The following ABTB2 variants were observed in gnomAD, a reference collection of about 807,000 sequenced individuals.
ABTB2 encodes the protein ankyrin repeat and BTB domain containing 2.
A neutral mutation model predicts 104.1 loss-of-function variants in ABTB2; 56 were observed. The observed-to-expected ratio is 0.54, with a 90% confidence interval of 0.43 to 0.67. The LOEUF (loss-of-function observed/expected upper bound fraction) is 0.67. Ranked by LOEUF, ABTB2 falls within the 30% of genes least tolerant of loss-of-function variation. The pLI, the probability that ABTB2 is intolerant of heterozygous loss-of-function variation, is 0.00. For synonymous variants in ABTB2, 606 were observed against 608.2 expected (o/e 1.00, Z 0.05); for missense variants, 1,279 against 1,407.7 (o/e 0.91, Z 1.46).
intron 1 of ABTB2, among the ~76,000 whole-genome samples, chr11:34,328,102 T>C (rs1428120531): frequency 2.6e-5 from 4 of 152,224 alleles, no homozygotes; most frequent in African/African-American, 9.6e-5. Context: ...CTGGTCCTGC[T>C]GTCCAGGCTG....
At position 34,357,189 on chromosome 11, in the gene ABTB2, A is replaced by G. The variant is rs535005948; in HGVS notation, c.395T>C (p.Leu132Pro). 318 of 1,508,320 alleles carry G rather than the reference A, an allele frequency of 2.1e-4. No individual in the cohort carries two copies. The highest frequency in any genetic ancestry group is 2.0e-4 in the East Asian group (8 of 39,518). The allele number at this position is 1,508,320 out of a possible 1,614,324, so 93.4% of individuals were successfully genotyped here. A position where few individuals can be genotyped will look rare whatever the true frequency, so the allele number is the denominator to read the frequency against. The change falls in exon 1 of 17, where the codon CTC becomes CCC. Residue 132 changes from leucine (L) to proline (P), a missense_variant. Physicochemically the swap from Leu to Pro is moderately conservative, Grantham distance 98. Transcript: ENST00000435224. ...GGCCACGCGGATCAGTGCCCTGCGG[A>G]GCAGCCCGGCCAGGCGCCTCACCGC... is the stretch of plus-strand genomic sequence containing the variant. ...AEAVRRLAGL[L>P]RRALIRVARE...
At chr11:34,308,064 C>T (rs1196279062) in intron 1 of ABTB2, among the ~76,000 whole-genome samples, 1 of 152,152 alleles carries the variant, frequency 6.6e-6, no homozygotes, top group African/African-American at 2.4e-5. Context: ...ACCCTTTGGG[C>T]AAGTTACTTC....
chr11:34,313,439 A>G (rs1019602782), intron 1 of ABTB2, among the ~76,000 whole-genome samples: 3 of 152,222 alleles, frequency 2.0e-5, no homozygotes, highest in Admixed American at 6.5e-5. Flanking sequence ...CAACCCCAGC[A>G]GCAACCTGCA....
intron 1 of ABTB2, chr11:34,335,514 A>C (rs1855183599): frequency 4.8e-6 from 5 of 1,035,924 alleles, no homozygotes; most frequent in Non-Finnish European, 4.5e-6. Context: ...TTCTGGAAAC[A>C]GTGATTCAAA....
rs1364917671 is a variant in ABTB2 at position 34,357,992 on chromosome 11, G to A, written c.-409C>T. ...GAGTCCGGGACCAGCCGGCGAGAAA[G>A]CGCTCTGCAAACTTCTGCGCTGCGC... On this transcript the variant is annotated 5_prime_UTR_variant, in exon 1 of 17. Transcript: ENST00000435224. The A allele has an allele frequency of 5.6e-6, 1 of 177,802 alleles. No individual in the cohort carries two copies. The highest frequency in any genetic ancestry group is 1.6e-4 in the East Asian group (1 of 6,422). The allele number at this position is 177,802 out of a possible 1,614,324, so 11.0% of individuals were successfully genotyped here.
At chr11:34,160,749 G>C (rs1208161735) in intron 11 of ABTB2, among the ~76,000 whole-genome samples, 154 bp downstream of exon 11, 38 of 131,152 alleles carry the variant, frequency 2.9e-4, no homozygotes, top group Non-Finnish European at 5.8e-4. Flanking sequence ...TGGGTGGGGG[G>C]GTCCCTGGGT....
intron 1 of ABTB2, among the ~76,000 whole-genome samples, chr11:34,246,188 AAAAT>A (rs1853981254): frequency 1.3e-5 from 2 of 152,214 alleles, no homozygotes; most frequent in Non-Finnish European, 2.9e-5. Context: ...AAGTAACAAC[AAAAT>A]CCCCTCAGGC....
Position 34,162,706 on chromosome 11 carries a change from C to T in ABTB2, c.2088G>A (p.Ala696=), listed in dbSNP as rs761722461. ...CCTCGCTGCCACTGCCCTGGCTCGA[C>T]GCATCACTTTCCTCCACACCCTCGG... ...ILAEGVEESD[A]SSQGSGSEGP... is the part of the protein sequence containing the mutation. The change falls in exon 10 of 17, where the codon GCG becomes GCA. Residue 696 remains alanine, a synonymous_variant. Transcript: ENST00000435224. 2.6e-5 allele frequency: 42 copies of T among 1,612,582 alleles called. No homozygotes were observed. Among genetic ancestry groups the T allele is most frequent in the Middle Eastern group, 1.6e-4 (1 of 6,084 alleles).
chr11:34,322,516 A>G (rs1855016870), intron 1 of ABTB2, among the ~76,000 whole-genome samples: 1 of 152,182 alleles, frequency 6.6e-6, no homozygotes, highest in Non-Finnish European at 1.5e-5. Context: ...TGGAAGTTGC[A>G]GTGAACTGAG....
chr11:34,166,343 C>T (rs1195613271), intron 7 of ABTB2, among the ~76,000 whole-genome samples: 4 of 152,236 alleles, frequency 2.6e-5, no homozygotes, highest in Admixed American at 6.5e-5. Flanking sequence ...GTGCCAAGGC[C>T]GTGGAGGCGG....
chr11:34,265,727 A>G (rs1590234454), intron 1 of ABTB2, among the ~76,000 whole-genome samples: 1 of 149,364 alleles, frequency 6.7e-6, no homozygotes, highest in Non-Finnish European at 1.5e-5. Flanking sequence ...CCAACAATTT[A>G]GGAGGCCGAG....
chr11:34,308,878 A>AAAAAAG (rs1854812369), intron 1 of ABTB2, among the ~76,000 whole-genome samples: 1 of 151,068 alleles, frequency 6.6e-6, no homozygotes, highest in Non-Finnish European at 1.5e-5. Flanking sequence ...CAAAAAAAAA[A>AAAAAAG]AAAAAAAAAG....
At chr11:34,310,437 C>T (rs982742890) in intron 1 of ABTB2, among the ~76,000 whole-genome samples, 12 of 152,054 alleles carry the variant, frequency 7.9e-5, no homozygotes, top group Admixed American at 2.0e-4. Flanking sequence ...TTCTCTCTAC[C>T]GCCACCCTCA....
intron 1 of ABTB2, among the ~76,000 whole-genome samples, chr11:34,263,665 T>C (rs1404510841): frequency 3.3e-5 from 5 of 152,092 alleles, no homozygotes; most frequent in Admixed American, 1.3e-4. Context: ...GAGTTTCCAT[T>C]ACCAGCCCAG....
In ABTB2 at chr11:34,163,408, T is replaced by A. The variant is rs148803903; in HGVS notation, c.1989-603A>T. Among the ~76,000 whole-genome samples, 933 of 152,244 alleles carry A rather than the reference T, an allele frequency of 6.1e-3. 13 individuals carry two copies. The highest frequency in any genetic ancestry group is 0.021 in the African/African-American group (882 of 41,542). ...GAATGTTAGACCCCACAGAGGACGC[T>A]CCCCCGTGCTGCTGCTTTTAGCCTC... is the stretch of plus-strand genomic sequence containing the variant. On this transcript the variant is annotated intron_variant, in intron 9 of 16. Coordinates refer to ENST00000435224, the MANE Select transcript of ABTB2 (RefSeq NM_145804.3).
intron 1 of ABTB2, among the ~76,000 whole-genome samples, chr11:34,232,328 T>C (rs2133057645): frequency 6.6e-6 from 1 of 152,070 alleles, no homozygotes; most frequent in East Asian, 1.9e-4. Flanking sequence ...TGCACGCCTG[T>C]AGCGCCAGCT....
At position 34,357,507 on chromosome 11, in the gene ABTB2, G is replaced by A. The variant is rs1160920430; in HGVS notation, c.77C>T (p.Ser26Leu). The change falls in exon 1 of 17, where the codon TCG (serine) becomes TTG (leucine). Residue 26 changes from serine (S) to leucine (L), a missense_variant. Physicochemically the swap from Ser to Leu is moderately radical, Grantham distance 145. Transcript: ENST00000435224. ...GGACGAGAGGCTGAGCGAGCGGCAC[G>A]AGTCCCCGGCCCCATACCCGGAGTC... is the stretch of plus-strand genomic sequence containing the variant. ...TLDSGYGAGD[S>L]CRSLSLSSSK... is the part of the protein sequence containing the mutation. 6.5e-7 allele frequency: 1 copy of A among 1,541,394 alleles called. No individual in the cohort carries two copies. The highest frequency in any genetic ancestry group is 2.0e-5 in the Admixed American group (1 of 51,002).
chr11:34,237,077 C>G (rs1216177761), intron 1 of ABTB2, among the ~76,000 whole-genome samples: 1 of 152,130 alleles, frequency 6.6e-6, no homozygotes, highest in Non-Finnish European at 1.5e-5. Flanking sequence ...ACCTCTGGAT[C>G]ATCTTGGACA....
At chr11:34,200,439 G>C (rs1853322367) in intron 2 of ABTB2, among the ~76,000 whole-genome samples, 1 of 152,192 alleles carries the variant, frequency 6.6e-6, no homozygotes, top group African/African-American at 2.4e-5. Flanking sequence ...TGGAGATGGA[G>C]GTCCCCGGCT....
Sources: allele counts gnomAD v4.1 joint callset (sites outside exome capture counted in the v4.1 genomes callset), GRCh38; gene constraint gnomAD v4.1.1; transcripts MANE v1.5; gene names NCBI Gene and HGNC (gene_info 2026-07-23, HGNC 2026-07-21).